SIL1: variants seen among roughly 807,000 people sequenced by gnomAD.
SIL1 encodes nucleotide exchange factor SIL1.
SIL1 carries 40 observed loss-of-function variants against 49.1 expected under a neutral mutation model. That is an observed-to-expected ratio of 0.81 (90% confidence interval 0.63 to 1.06). SIL1 has a LOEUF of 1.06. Among genes scored for constraint, SIL1 ranks in the 50% least tolerant of loss-of-function variants. The pLI, the probability that SIL1 is intolerant of heterozygous loss-of-function variation, is 0.00. For missense variants in SIL1, 500 were observed against 572.6 expected (o/e 0.87, Z 1.29); for synonymous variants, 253 against 250.8 (o/e 1.01, Z -0.08).
chr5:139,188,953 T>C (rs1752121923), intron 1 of SIL1, among the ~76,000 whole-genome samples: 1 of 152,216 alleles, frequency 6.6e-6, no homozygotes, highest in Non-Finnish European at 1.5e-5. Context: ...GCAAAGTTCC[T>C]TGCTACTCAC....
chr5:139,135,435 G>A (rs1217486411), intron 1 of SIL1, among the ~76,000 whole-genome samples: 1 of 152,206 alleles, frequency 6.6e-6, no homozygotes, highest in African/African-American at 2.4e-5. Context: ...GCTACAGAGA[G>A]CTACAAAATC....
chr5:139,173,790 CA>C (rs70982756), intron 1 of SIL1, among the ~76,000 whole-genome samples: 18,035 of 106,272 alleles, frequency 0.17, 3,015 homozygotes, highest in African/African-American at 0.46. Flanking sequence ...ACTAAAAATA[CA>C]AAAAAAAAAA....
At chr5:139,188,129 G>C (rs1007583681) in intron 1 of SIL1, 4 of 152,144 alleles carry the variant, frequency 2.6e-5, no homozygotes, top group African/African-American at 9.7e-5. Context: ...GTTTATAACT[G>C]TATGAGAACA....
chr5:139,115,345 A>C (rs547531184), intron 3 of SIL1, among the ~76,000 whole-genome samples: 14 of 152,292 alleles, frequency 9.2e-5, no homozygotes, highest in African/African-American at 3.4e-4. Context: ...TATTCCTACC[A>C]AACCCCTTTC....
intron 7 of SIL1, among the ~76,000 whole-genome samples, chr5:139,008,011 G>T (rs1371891452): frequency 6.6e-6 from 1 of 151,746 alleles, no homozygotes; most frequent in Non-Finnish European, 1.5e-5. Flanking sequence ...TTTTTCTATT[G>T]ATTGGAATAG....
intron 1 of SIL1, among the ~76,000 whole-genome samples, chr5:139,173,271 C>T (rs1314667823): frequency 1.3e-5 from 2 of 152,094 alleles, no homozygotes; most frequent in Non-Finnish European, 2.9e-5. Context: ...AAAATGAGGG[C>T]CGGGTGTAGT....
At chr5:139,035,435 C>T in intron 5 of SIL1, 1 of 539,792 alleles carries the variant, frequency 1.9e-6, no homozygotes, top group Non-Finnish European at 3.7e-6. Flanking sequence ...CTGCCTCAAT[C>T]AGGGCCTGTC....
intron 1 of SIL1, among the ~76,000 whole-genome samples, chr5:139,130,896 A>C (rs1750849834): frequency 6.6e-6 from 1 of 152,216 alleles, no homozygotes; most frequent in South Asian, 2.1e-4. Flanking sequence ...TATGATTCTA[A>C]TTATATGAAA....
At chr5:139,187,326 G>C (rs1247493460) in intron 1 of SIL1, among the ~76,000 whole-genome samples, 3 of 152,252 alleles carry the variant, frequency 2.0e-5, no homozygotes, top group Non-Finnish European at 4.4e-5. Flanking sequence ...AGGCCAGCCT[G>C]GCCAACACGG....
At chr5:139,170,885 A>C (rs1479856416) in intron 1 of SIL1, among the ~76,000 whole-genome samples, 149 of 109,168 alleles carry the variant, frequency 1.4e-3, no homozygotes, top group East Asian at 3.3e-3. Context: ...GCCTCTGCCC[A>C]GCCGCCCCTA....
chr5:139,190,426 T>C (rs987452808), intron 1 of SIL1, among the ~76,000 whole-genome samples: 6 of 152,298 alleles, frequency 3.9e-5, no homozygotes, highest in South Asian at 2.1e-4. Flanking sequence ...GGGTATAAGA[T>C]CATGTACAAG....
chr5:139,145,243 T>C (rs1038667562), intron 1 of SIL1, among the ~76,000 whole-genome samples: 1 of 152,206 alleles, frequency 6.6e-6, no homozygotes, highest in Non-Finnish European at 1.5e-5. Context: ...CTCAGTATCA[T>C]TAGTCATCAT....
intron 1 of SIL1, among the ~76,000 whole-genome samples, chr5:139,194,684 G>GA (rs1300806546): frequency 2.0e-5 from 3 of 152,054 alleles, no homozygotes; most frequent in Admixed American, 1.3e-4. Context: ...GGAGCCCCCA[G>GA]AAAAAAATCC....
intron 1 of SIL1, among the ~76,000 whole-genome samples, chr5:139,196,096 G>T (rs1454564019): frequency 6.6e-6 from 1 of 152,176 alleles, no homozygotes; most frequent in Non-Finnish European, 1.5e-5. Flanking sequence ...AGGCTTTAGT[G>T]AGAGTATTAC....
intron 5 of SIL1, among the ~76,000 whole-genome samples, chr5:139,030,215 AG>A (rs1447814921): frequency 6.6e-6 from 1 of 152,130 alleles, no homozygotes; most frequent in Non-Finnish European, 1.5e-5. Context: ...CTGTAATCTC[AG>A]CACTTTGGAA....
chr5:139,015,386 G>T (rs960186702), intron 7 of SIL1, among the ~76,000 whole-genome samples: 2 of 152,132 alleles, frequency 1.3e-5, no homozygotes, highest in African/African-American at 4.8e-5. Context: ...ATATCCAGAT[G>T]AATTCATATC....
chr5:139,061,657 T>C (rs552849205), intron 3 of SIL1, among the ~76,000 whole-genome samples: 2 of 152,178 alleles, frequency 1.3e-5, no homozygotes, highest in Non-Finnish European at 2.9e-5. Context: ...AAAAGAACTG[T>C]GTCAGTGCTC....
intron 1 of SIL1, among the ~76,000 whole-genome samples, chr5:139,170,563 C>T (rs1336487701): frequency 4.0e-5 from 6 of 150,470 alleles, no homozygotes; most frequent in East Asian, 2.0e-4. Context: ...GCCGCGACCC[C>T]GTCTGGGAGG....
chr5:139,111,978 G>A (rs1346556628), intron 3 of SIL1, among the ~76,000 whole-genome samples: 1 of 152,242 alleles, frequency 6.6e-6, no homozygotes, highest in Non-Finnish European at 1.5e-5. Flanking sequence ...CCGAGCGCCT[G>A]CGATTGCAGG....
Sources: gnomAD v4.1 joint callset for allele counts (sites outside exome capture counted in the v4.1 genomes callset) on GRCh38, gnomAD v4.1.1 for gene constraint, MANE v1.5 for transcripts, NCBI Gene and HGNC (gene_info 2026-07-23, HGNC 2026-07-21) for gene names.